CUX1: variants seen among roughly 807,000 people sequenced by gnomAD.
CUX1 encodes the protein protein CASP.
CUX1 carries 31 observed loss-of-function variants against 158.8 expected under a neutral mutation model. The ratio of observed to expected loss-of-function variants is 0.20; its 90% CI spans 0.15 to 0.26. CUX1 has a LOEUF of 0.26. CUX1 is among the 10% of genes least tolerant of loss of function. CUX1 has a pLI of 1.00. For missense variants in CUX1, 1,589 were observed against 2,014.6 expected (o/e 0.79, Z 4.04); for synonymous variants, 879 against 862.1 (o/e 1.02, Z -0.34).
chr7:101,993,442 C>T (rs1815406377), intron 2 of CUX1, among the ~76,000 whole-genome samples: 1 of 152,202 alleles, frequency 6.6e-6, no homozygotes, highest in Admixed American at 6.5e-5. Context: ...TGCAGCTGCT[C>T]TGATGGGGGG....
chr7:101,991,695 GT>G (rs1219246491), intron 2 of CUX1, among the ~76,000 whole-genome samples: 1 of 151,438 alleles, frequency 6.6e-6, no homozygotes, highest in African/African-American at 2.4e-5. Flanking sequence ...GGAGGCAGAG[GT>G]TGCAGTGAGC....
At chr7:102,172,900 A>G (rs1352923174) in intron 10 of CUX1, among the ~76,000 whole-genome samples, 4 of 152,166 alleles carry the variant, frequency 2.6e-5, no homozygotes, top group Non-Finnish European at 5.9e-5. Context: ...CATCTCTACA[A>G]AAATTTTAAA....
Position 101,917,810 on chromosome 7 carries a change from G to A in CUX1, c.141+1585G>A, listed in dbSNP as rs913062443. Among the ~76,000 whole-genome samples, 9 of 152,114 alleles carry A rather than the reference G, an allele frequency of 5.9e-5. No individual in the cohort carries two copies. The East Asian group carries it at 1.4e-3, about 23-fold the overall frequency. On this transcript the variant is annotated intron_variant, in intron 2 of 23. Transcript: ENST00000292535. Reference sequence around the variant, plus strand: ...CTGTATTGTCACTGCCCTTTCCTCGGTGACCATATGTCTGAGGGTTTCCAT... The same window carrying A: ...CTGTATTGTCACTGCCCTTTCCTCGATGACCATATGTCTGAGGGTTTCCAT...
At chr7:101,970,814 C>G (rs1322846562) in intron 2 of CUX1, among the ~76,000 whole-genome samples, 1 of 152,132 alleles carries the variant, frequency 6.6e-6, no homozygotes, top group Non-Finnish European at 1.5e-5. Flanking sequence ...CCTCAGCCTC[C>G]CAAAGTGCTA....
chr7:102,054,496 G>T (rs917991685), intron 3 of CUX1, among the ~76,000 whole-genome samples: 5 of 152,122 alleles, frequency 3.3e-5, no homozygotes, highest in Non-Finnish European at 7.4e-5. Context: ...GGGCTGTATT[G>T]ATCTGTGTGT....
chr7:102,170,447 G>T lies in CUX1; in HGVS notation c.725G>T (p.Arg242Met). The stretch of plus-strand genomic sequence containing the variant: ...TTCACCCCTTTTCATTTCCTTCAGA[G>T]GGCAGAGGTGGCTCAGAGAGAGGCG... ...IMTDLERANQ[R>M]AEVAQREAET... The change falls in exon 10 of 24, where the codon AGG becomes ATG. Residue 242 changes from arginine (R) to methionine (M), a missense_variant and splice_region_variant. By Grantham distance (91) the Arg-to-Met change is moderately conservative. Around this residue, in one of 8 missense-constraint regions of CUX1, gnomAD observed 515 missense variants for 574.4 expected, o/e 0.90. Coordinates refer to ENST00000292535, the MANE Select transcript of CUX1 (RefSeq NM_181552.4). 6.3e-7 allele frequency: 1 copy of T among 1,580,128 alleles called. No homozygotes were observed. Among genetic ancestry groups the T allele is most frequent in the East Asian group, 2.3e-5 (1 of 43,064 alleles).
At chr7:102,272,404 C>T (rs575036218) in intron 14 of CUX1, among the ~76,000 whole-genome samples, 1 of 152,372 alleles carries the variant, frequency 6.6e-6, no homozygotes, top group Non-Finnish European at 1.5e-5. Context: ...CCACAGTGCC[C>T]CCTGGCGGCT....
intron 9 of CUX1, among the ~76,000 whole-genome samples, chr7:102,169,224 T>C (rs1563342812): frequency 6.6e-6 from 1 of 152,124 alleles, no homozygotes; most frequent in Non-Finnish European, 1.5e-5. Context: ...TGAGCCACCG[T>C]ACCCAGCCAA....
intron 1 of CUX1, among the ~76,000 whole-genome samples, chr7:101,889,925 GCT>G (rs1330779609): frequency 6.6e-6 from 1 of 152,228 alleles, no homozygotes; most frequent in Admixed American, 6.5e-5. Flanking sequence ...GACTTGAGAT[GCT>G]CTGTTTTCTG....
chr7:101,817,556 G>A (rs1318706907), upstream of CUX1: 13 of 1,316,002 alleles, frequency 9.9e-6, no homozygotes, highest in East Asian at 3.2e-5. This position sits in a 1 kb window ranked among gnomAD's most constrained non-coding sequence, Gnocchi z 4.1. Flanking sequence ...CCGCCCGGAG[G>A]AGCGGCGCAC....
chr7:102,189,931 A>G (rs1794098996), intron 12 of CUX1, 60 bp downstream of exon 12: 4 of 1,574,768 alleles, frequency 2.5e-6, no homozygotes, highest in Non-Finnish European at 3.5e-6. Context: ...CCATCTGCTA[A>G]CAATGCCAGG....
chr7:101,966,861 C>G (rs1811285714), intron 2 of CUX1, among the ~76,000 whole-genome samples: 1 of 152,096 alleles, frequency 6.6e-6, no homozygotes, highest in Admixed American at 6.6e-5. Flanking sequence ...GGGAAGCTCT[C>G]AAGTGGTCTG....
chr7:102,267,876 C>T (rs1458166498), intron 14 of CUX1, among the ~76,000 whole-genome samples: 3 of 152,090 alleles, frequency 2.0e-5, no homozygotes, highest in African/African-American at 7.2e-5. Flanking sequence ...CCATGTTGCC[C>T]GTGCTGGTCT....
intron 14 of CUX1, among the ~76,000 whole-genome samples, chr7:102,271,755 T>A (rs1554546329): frequency 4.6e-5 from 7 of 152,200 alleles, no homozygotes. Flanking sequence ...AGGGGCCCAG[T>A]GCGGTGGCTC....
intron 1 of CUX1, among the ~76,000 whole-genome samples, chr7:101,893,421 G>T (rs1801112757): frequency 6.6e-6 from 1 of 152,066 alleles, no homozygotes; most frequent in African/African-American, 2.4e-5. Flanking sequence ...GATTTGCCTT[G>T]TAGACGGAAA....
chr7:102,106,405 A>G (rs1173214536), intron 6 of CUX1, among the ~76,000 whole-genome samples: 1 of 152,068 alleles, frequency 6.6e-6, no homozygotes, highest in Non-Finnish European at 1.5e-5. Flanking sequence ...AATTTTTCTA[A>G]GGTGGGCTCT....
intron 1 of CUX1, among the ~76,000 whole-genome samples, chr7:101,831,604 C>T (rs1447352821): frequency 6.6e-6 from 1 of 151,670 alleles, no homozygotes; most frequent in East Asian, 1.9e-4. Flanking sequence ...AACTGACATT[C>T]TTGCAAGGGG....
At chr7:101,820,584 A>G (rs1182840229) in intron 1 of CUX1, among the ~76,000 whole-genome samples, 1 of 152,222 alleles carries the variant, frequency 6.6e-6, no homozygotes, top group Non-Finnish European at 1.5e-5. Flanking sequence ...AGTGACTTTT[A>G]TTATAATTGT....
At chr7:101,924,852 G>A (rs1193689991) in intron 2 of CUX1, among the ~76,000 whole-genome samples, 2 of 152,006 alleles carry the variant, frequency 1.3e-5, no homozygotes, top group Admixed American at 6.6e-5. Context: ...TGGGATTACC[G>A]GCGTGAGCCA....
Sources: allele counts gnomAD v4.1 joint callset (sites outside exome capture counted in the v4.1 genomes callset), GRCh38; gene constraint gnomAD v4.1.1; regional missense constraint gnomAD v4.1.1; non-coding constraint Gnocchi (gnomAD v3.1); transcripts MANE v1.5; gene names NCBI Gene and HGNC (gene_info 2026-07-23, HGNC 2026-07-21).